NFIA: variants seen among roughly 807,000 people sequenced by gnomAD.
NFIA encodes the protein nuclear factor I A.
In NFIA, 8 loss-of-function variants were observed where a neutral mutation model predicts 62.8. The ratio of observed to expected loss-of-function variants is 0.13; its 90% CI spans 0.07 to 0.23. The LOEUF is 0.23. Ranked by LOEUF, NFIA falls within the 10% of genes least tolerant of loss-of-function variation. The probability of loss-of-function intolerance (pLI) is 1.00; values close to 1 mark genes in which losing one functional copy is unlikely to be tolerated. For missense variants in NFIA, 410 were observed against 642.1 expected, an observed-to-expected ratio of 0.64 and a Z score of 3.91; for synonymous variants, 235 against 238.1, an observed-to-expected ratio of 0.99 and a Z score of 0.12.
At chr1:61,081,465 T>C (rs1229291749), upstream of NFIA, among the ~76,000 whole-genome samples, 1 of 152,144 alleles carries the variant, frequency 6.6e-6, no homozygotes, top group African/African-American at 2.4e-5. Flanking sequence ...GGGACGGTAA[T>C]GATAGCCTAT....
chr1:61,156,533 T>C (rs1395256057), intron 2 of NFIA, among the ~76,000 whole-genome samples: 1 of 152,248 alleles, frequency 6.6e-6, no homozygotes, highest in Non-Finnish European at 1.5e-5. Flanking sequence ...AGTTTTATTA[T>C]ACCGGGTAGT....
intron 2 of NFIA, among the ~76,000 whole-genome samples, chr1:61,247,084 A>G (rs549274203): frequency 1.3e-5 from 2 of 152,268 alleles, no homozygotes; most frequent in Middle Eastern, 3.4e-3. Context: ...TTTTGCATTC[A>G]TTCTTCCAGC....
intron 2 of NFIA, among the ~76,000 whole-genome samples, chr1:61,213,469 T>C (rs1653395209): frequency 6.6e-6 from 1 of 152,224 alleles, no homozygotes; most frequent in African/African-American, 2.4e-5. Flanking sequence ...TGTGTTTTTT[T>C]CATTTTCTGT....
At chr1:61,126,421 G>GT (rs577418984) in intron 2 of NFIA, among the ~76,000 whole-genome samples, 1,108 of 84,620 alleles carry the variant, frequency 0.013, 17 homozygotes, top group African/African-American at 0.041. Flanking sequence ...TACCTAGTTG[G>GT]TTTTTTTTGA....
chr1:61,270,800 A>G (rs1657455739), intron 2 of NFIA, among the ~76,000 whole-genome samples: 1 of 152,222 alleles, frequency 6.6e-6, no homozygotes, highest in African/African-American at 2.4e-5. Flanking sequence ...GGGAGTGGGT[A>G]GGTGATCGGG....
At chr1:61,203,853 A>G (rs1652706379) in intron 2 of NFIA, among the ~76,000 whole-genome samples, 1 of 152,320 alleles carries the variant, frequency 6.6e-6, no homozygotes, top group Non-Finnish European at 1.5e-5. Flanking sequence ...CCTTTGAGTG[A>G]TAAAGATACA....
At chr1:61,295,100 A>G (rs1659117852) in intron 3 of NFIA, among the ~76,000 whole-genome samples, 2 of 152,214 alleles carry the variant, frequency 1.3e-5, no homozygotes, top group African/African-American at 4.8e-5. Context: ...TTCAGGCTCC[A>G]CATCTGGGTC....
intron 3 of NFIA, among the ~76,000 whole-genome samples, chr1:61,310,764 T>TTTCCTTCCTTCCTTCCTTCCTTCC (rs372925891): frequency 0.048 from 6,215 of 129,312 alleles, 391 homozygotes; most frequent in African/African-American, 0.089. Flanking sequence ...TTCTCCCTCT[T>TTTCCTTCCTTCCTTCCTTCCTTCC]TTCCTTCCTT....
At chr1:61,186,875 G>A (rs1651223380) in intron 2 of NFIA, among the ~76,000 whole-genome samples, 1 of 152,154 alleles carries the variant, frequency 6.6e-6, no homozygotes, top group South Asian at 2.1e-4. Context: ...TATGTGGCAT[G>A]CCCAAGGTCA....
chr1:61,416,175 A>G (rs1666339403), intron 9 of NFIA, among the ~76,000 whole-genome samples: 1 of 152,166 alleles, frequency 6.6e-6, no homozygotes, highest in Non-Finnish European at 1.5e-5. Flanking sequence ...GTTGGCAGAC[A>G]ACTTTTTGGT....
At chr1:61,390,688 G>T (rs1015608878) in intron 7 of NFIA, among the ~76,000 whole-genome samples, 6 of 152,144 alleles carry the variant, frequency 3.9e-5, no homozygotes, top group African/African-American at 1.2e-4. Flanking sequence ...GAGGAGTGTG[G>T]ATTCATAATA....
chr1:61,353,322 TA>T (rs1662653058), intron 5 of NFIA, among the ~76,000 whole-genome samples: 1 of 152,204 alleles, frequency 6.6e-6, no homozygotes, highest in African/African-American at 2.4e-5. Context: ...TGTAACCTGA[TA>T]ATGATTCTGG....
intron 2 of NFIA, among the ~76,000 whole-genome samples, chr1:61,164,715 C>T (rs1219668821): frequency 6.6e-6 from 1 of 152,166 alleles, no homozygotes; most frequent in Non-Finnish European, 1.5e-5. Flanking sequence ...CCACCTCAGC[C>T]TCCCAAAGTG....
At chr1:61,381,747 G>A (rs1047124309) in intron 6 of NFIA, among the ~76,000 whole-genome samples, 1 of 152,148 alleles carries the variant, frequency 6.6e-6, no homozygotes, top group Admixed American at 6.5e-5. Flanking sequence ...TCAGACCCTT[G>A]GAGGTCTTGG....
chr1:61,172,638 C>A (rs1316398120), intron 2 of NFIA, among the ~76,000 whole-genome samples: 2 of 152,192 alleles, frequency 1.3e-5, no homozygotes, highest in Admixed American at 6.5e-5. Flanking sequence ...TAGGGAAGGT[C>A]AGCTCTTTTT....
At chr1:61,141,286 C>T (rs564597424) in intron 2 of NFIA, among the ~76,000 whole-genome samples, 14 of 152,202 alleles carry the variant, frequency 9.2e-5, no homozygotes, top group South Asian at 2.1e-4. Flanking sequence ...TTAACATCTC[C>T]TTGCAATATC....
In NFIA at chr1:61,460,805, T is replaced by C. The variant is rs1270253817; in HGVS notation, c.*5485T>C. ...ATGTAAAATAACCGTACAATATTAA[T>C]GCATGCGATTCCATAATGCTTAGTG... On this transcript the variant is annotated 3_prime_UTR_variant, in exon 11 of 11. Transcript: ENST00000403491. The C allele has an allele frequency of 1.3e-5, 2 of 152,258 alleles. No homozygotes were observed. Among genetic ancestry groups the C allele is most frequent in the African/African-American group, 2.4e-5 (1 of 41,470 alleles). 9.4% of individuals were successfully genotyped at this position (152,258 alleles called of 1,614,324 possible). A position where few individuals can be genotyped will look rare whatever the true frequency, so the allele number is the denominator to read the frequency against.
At chr1:61,427,481 T>C (rs1666920510) in intron 10 of NFIA, among the ~76,000 whole-genome samples, 1 of 152,198 alleles carries the variant, frequency 6.6e-6, no homozygotes, top group Non-Finnish European at 1.5e-5. Flanking sequence ...TGGAGCAATT[T>C]TGTGCACATG....
Position 61,406,663 on chromosome 1 carries a change from G to A in NFIA, c.1356G>A (p.Pro452=), listed in dbSNP as rs373667307. 1.7e-4 allele frequency: 281 copies of A among 1,608,020 alleles called. 1 individual carries two copies. The highest frequency in any genetic ancestry group is 1.2e-3 in the South Asian group (106 of 90,592). The change falls in exon 9 of 11, where the codon CCG becomes CCA. Residue 452 remains proline, a synonymous_variant. Coordinates refer to ENST00000403491, the MANE Select transcript of NFIA (RefSeq NM_001134673.4). ...CGATGGCCAGGCCTGTGCCTCTGCC[G>A]GTGCCAGACACAAAGCCTCCAACCA... is the stretch of plus-strand genomic sequence containing the variant. ...PPPMARPVPL[P]VPDTKPPTTS... is the part of the protein sequence containing the mutation.
Sources: allele counts gnomAD v4.1 joint callset (sites outside exome capture counted in the v4.1 genomes callset), GRCh38; gene constraint gnomAD v4.1.1; transcripts MANE v1.5; gene names NCBI Gene and HGNC (gene_info 2026-07-23, HGNC 2026-07-21).